The following ADAM19 variants were observed in gnomAD, a reference collection of about 807,000 sequenced individuals.
ADAM19 encodes the protein ADAM metallopeptidase domain 19.
Under a neutral mutation model 114.7 loss-of-function variants are expected in ADAM19, and 65 were observed. That is an observed-to-expected ratio of 0.57 (90% CI 0.46 to 0.70). The LOEUF is 0.70. Ranked by LOEUF, ADAM19 falls within the 30% of genes least tolerant of loss-of-function variation. The pLI is 0.00. For synonymous variants in ADAM19, 466 were observed against 460.5 expected (o/e 1.01, Z -0.15); for missense variants, 1,063 against 1,204.7 (o/e 0.88, Z 1.74).
chr5:157,564,459 A>C lies in ADAM19; in HGVS notation c.181-16T>G. 6.2e-7 allele frequency: 1 copy of C among 1,613,906 alleles called. No individual in the cohort carries two copies. The highest frequency in any genetic ancestry group is 8.5e-7 in the Non-Finnish European group (1 of 1,179,752). ...TGAGTGGATGCTAAAAGCAACAACA[A>C]AACAATGTCAGTTCCTAAAAGCCGG... is the stretch of plus-strand genomic sequence containing the variant. On this transcript the variant is annotated splice_polypyrimidine_tract_variant and intron_variant, in intron 2 of 22. Coordinates refer to ENST00000257527, the MANE Select transcript of ADAM19 (RefSeq NM_033274.5).
intron 21 of ADAM19, 81 bp downstream of exon 21, chr5:157,488,184 C>T (rs896192802): frequency 9.2e-6 from 13 of 1,417,302 alleles, no homozygotes; most frequent in Non-Finnish European, 1.3e-5. Context: ...CAAGTTTCAC[C>T]TTCCCCACCT....
At position 157,499,627 on chromosome 5, in the gene ADAM19, A is replaced by C. The variant is rs1755487788; in HGVS notation, c.1344T>G (p.Cys448Trp). 4.3e-6 allele frequency: 7 copies of C among 1,613,336 alleles called. No individual in the cohort carries two copies. Among genetic ancestry groups the C allele is most frequent in the Non-Finnish European group, 4.2e-6 (5 of 1,179,774 alleles). ...CACACTCCGCCCCCGGCCTCAGGGT[A>C]CAATTAGAGGCATTGCAGCAGGGGT... Reference protein sequence around the residue: ...CNNPCCNASNCTLRPGAECAH... With the variant: ...CNNPCCNASNWTLRPGAECAH... Residue 448 changes from cysteine to tryptophan, a missense_variant, in exon 13 of 23, where the codon TGT (cysteine) becomes TGG (tryptophan). Transcript: ENST00000257527.
intron 3 of ADAM19, among the ~76,000 whole-genome samples, chr5:157,553,591 G>A (rs1019767076): frequency 2.6e-5 from 4 of 152,112 alleles, no homozygotes; most frequent in Admixed American, 2.0e-4. Context: ...ATTTAAAAGC[G>A]TTTTAATTGT....
chr5:157,571,435 T>C (rs1757825184), intron 1 of ADAM19, among the ~76,000 whole-genome samples: 2 of 151,908 alleles, frequency 1.3e-5, no homozygotes, highest in Admixed American at 6.6e-5. Context: ...ACTTGGCCTG[T>C]TGAAGGAACA....
chr5:157,549,604 C>T (rs890962893), intron 3 of ADAM19, among the ~76,000 whole-genome samples: 3 of 152,222 alleles, frequency 2.0e-5, no homozygotes, highest in African/African-American at 7.2e-5. Flanking sequence ...GTCACAAATT[C>T]CCGTTCCTCT....
At chr5:157,519,028 G>A in intron 6 of ADAM19, 140 bp from the exon 7 acceptor site, 1 of 705,106 alleles carries the variant, frequency 1.4e-6, no homozygotes, top group South Asian at 1.7e-5. Flanking sequence ...AGATGTTCTT[G>A]GCTGTGGTGG....
intron 21 of ADAM19, among the ~76,000 whole-genome samples, chr5:157,483,345 A>C (rs1222445070): frequency 6.6e-6 from 1 of 152,200 alleles, no homozygotes; most frequent in Admixed American, 6.5e-5. Flanking sequence ...AACAGCAAAG[A>C]AACTATAAAT....
At chr5:157,543,178 A>C (rs1447428695) in intron 3 of ADAM19, among the ~76,000 whole-genome samples, 1 of 152,212 alleles carries the variant, frequency 6.6e-6, no homozygotes, top group Admixed American at 6.5e-5. Context: ...TCCAATTTTA[A>C]ACCAGTTTTA....
rs374243882 is a variant in ADAM19 at position 157,520,027 on chromosome 5, G to A, written c.412C>T (p.Leu138=). The change falls in exon 6 of 23, where the codon CTG becomes TTG. Residue 138 remains leucine, a synonymous_variant. Coordinates refer to ENST00000257527, the MANE Select transcript of ADAM19 (RefSeq NM_033274.5). ...CTGAGGTTGCTGCTCACCGTAATCA[G>A]TCCTCTGTTGAGAGGAGAAATAGAA... The part of the protein sequence containing the change: ...TLSTCRGIRG[L]ITVSSNLSYV... 6.2e-7 allele frequency: 1 copy of A among 1,611,144 alleles called. No homozygotes were observed. Among genetic ancestry groups the A allele is most frequent in the Non-Finnish European group, 8.5e-7 (1 of 1,178,344 alleles).
intron 3 of ADAM19, among the ~76,000 whole-genome samples, chr5:157,539,894 G>A (rs1192721800): frequency 6.6e-6 from 1 of 152,216 alleles, no homozygotes; most frequent in African/African-American, 2.4e-5. Flanking sequence ...ACTAGTTACC[G>A]AATGAATGGA....
chr5:157,501,141 C>T (rs1755550568), intron 12 of ADAM19, among the ~76,000 whole-genome samples: 1 of 152,166 alleles, frequency 6.6e-6, no homozygotes, highest in African/African-American at 2.4e-5. Flanking sequence ...CACTTTCCTC[C>T]CATTATTCTC....
chr5:157,530,476 C>CTGTGAGT (rs1756594237), intron 5 of ADAM19, among the ~76,000 whole-genome samples: 4 of 152,250 alleles, frequency 2.6e-5, no homozygotes, highest in African/African-American at 9.6e-5. Context: ...TGCCGCCCCC[C>CTGTGAGT]ATGGCACAGC....
chr5:157,554,505 T>A (rs1023115941), intron 3 of ADAM19, among the ~76,000 whole-genome samples: 1 of 152,216 alleles, frequency 6.6e-6, no homozygotes, highest in Non-Finnish European at 1.5e-5. Context: ...GAGGTACAGT[T>A]TGGCCCACTG....
At chr5:157,489,259 G>C (rs1316200287) in intron 19 of ADAM19, 73 bp from the exon 20 acceptor site, 1 of 1,118,280 alleles carries the variant, frequency 8.9e-7, no homozygotes. Context: ...AGTTCCCTTT[G>C]ACCCAAGCAC....
At chr5:157,514,052 CAG>C (rs1756015924) in intron 7 of ADAM19, among the ~76,000 whole-genome samples, 1 of 152,210 alleles carries the variant, frequency 6.6e-6, no homozygotes, top group African/African-American at 2.4e-5. Context: ...TCAATTAAAA[CAG>C]AGAGGGCCAG....
intron 3 of ADAM19, among the ~76,000 whole-genome samples, chr5:157,550,790 C>G (rs12187501): frequency 6.6e-6 from 1 of 151,924 alleles, no homozygotes; most frequent in East Asian, 1.9e-4. Flanking sequence ...TCAACAAGGG[C>G]AGTGAGATAT....
intron 3 of ADAM19, among the ~76,000 whole-genome samples, chr5:157,560,062 G>A (rs965249345): frequency 5.3e-5 from 8 of 151,712 alleles, no homozygotes; most frequent in Non-Finnish European, 1.0e-4. Flanking sequence ...TCAGGAGATC[G>A]AGACCATCCC....
In ADAM19 at chr5:157,477,668, C is replaced by T. The variant is rs11466825; in HGVS notation, c.*3281G>A. The T allele has an allele frequency of 3.3e-3, 4,208 of 1,289,670 alleles. 144 individuals carry two copies. In the African/African-American group the frequency reaches 0.058, roughly 18 times the overall value. The allele number at this position is 1,289,670 out of a possible 1,614,324, so 79.9% of individuals were successfully genotyped here. On this transcript the variant is annotated 3_prime_UTR_variant, in exon 23 of 23. Transcript: ENST00000257527. The stretch of plus-strand genomic sequence containing the variant: ...GGGTGTCCAGCAGAGCTGTTATACA[C>T]GTGGTTAACACAATTACTGACTTTG...
chr5:157,549,492 T>C (rs969484076), intron 3 of ADAM19, among the ~76,000 whole-genome samples: 3 of 152,192 alleles, frequency 2.0e-5, no homozygotes, highest in Non-Finnish European at 4.4e-5. Flanking sequence ...TCCTTTCTCA[T>C]TCTCCATTCA....
Sources: gnomAD v4.1 joint callset for allele counts (sites outside exome capture counted in the v4.1 genomes callset) on GRCh38, gnomAD v4.1.1 for gene constraint, MANE v1.5 for transcripts, NCBI Gene and HGNC (gene_info 2026-07-23, HGNC 2026-07-21) for gene names.